Variants in ADAMTSL3 observed in about 807,000 individuals in gnomAD.
ADAMTSL3 encodes the protein ADAMTS-like protein 3.
Under a neutral mutation model 201.7 loss-of-function variants are expected in ADAMTSL3, and 128 were observed. That is an observed-to-expected ratio of 0.63 (90% CI 0.55 to 0.73). ADAMTSL3 has a LOEUF of 0.73. Ranked by LOEUF, ADAMTSL3 falls within the 30% of genes least tolerant of loss-of-function variation. The pLI is 0.00. For synonymous variants in ADAMTSL3, 738 were observed against 748.4 expected (o/e 0.99, Z 0.23); for missense variants, 1,990 against 2,119.6 (o/e 0.94, Z 1.20).
At chr15:83,903,332 C>G (rs905666885) in intron 15 of ADAMTSL3, among the ~76,000 whole-genome samples, 1 of 150,552 alleles carries the variant, frequency 6.6e-6, no homozygotes, top group African/African-American at 2.5e-5. Flanking sequence ...TGGCATTAAG[C>G]ACACTCACAT....
intron 3 of ADAMTSL3, among the ~76,000 whole-genome samples, chr15:83,763,687 A>G (rs1395841253): frequency 2.0e-5 from 3 of 151,988 alleles, no homozygotes; most frequent in Non-Finnish European, 4.4e-5. Flanking sequence ...TTGTATATTT[A>G]GTAGAGACGA....
chr15:83,900,144 G>T (rs1159463645), intron 15 of ADAMTSL3, among the ~76,000 whole-genome samples: 5 of 152,194 alleles, frequency 3.3e-5, no homozygotes, highest in Non-Finnish European at 7.3e-5. Flanking sequence ...AGTGATCATA[G>T]GGAAATGGAA....
chr15:84,024,794 C>G (rs1386285310), intron 26 of ADAMTSL3, among the ~76,000 whole-genome samples: 1 of 152,220 alleles, frequency 6.6e-6, no homozygotes, highest in Non-Finnish European at 1.5e-5. Flanking sequence ...ACATCCGTTT[C>G]TTTTCTACAA....
intron 27 of ADAMTSL3, among the ~76,000 whole-genome samples, chr15:84,026,251 A>T (rs1024853417): frequency 6.6e-6 from 1 of 152,210 alleles, no homozygotes; most frequent in African/African-American, 2.4e-5. Flanking sequence ...GCAGTTAATC[A>T]TAGGAGAAAA....
At chr15:83,951,193 C>G (rs2066751402) in intron 19 of ADAMTSL3, among the ~76,000 whole-genome samples, 1 of 134,878 alleles carries the variant, frequency 7.4e-6, no homozygotes, top group Non-Finnish European at 1.5e-5. Context: ...TATGTTTCTT[C>G]TATACTCCTT....
chr15:83,773,384 A>G (rs555645418), intron 3 of ADAMTSL3, 139 bp from the exon 4 acceptor site: 35 of 948,018 alleles, frequency 3.7e-5, no homozygotes, highest in Non-Finnish European at 5.1e-5. Context: ...CTCCTGGGCA[A>G]TAAGATCGAA....
At chr15:84,011,504 A>C (rs1237917140) in intron 23 of ADAMTSL3, among the ~76,000 whole-genome samples, 1 of 152,196 alleles carries the variant, frequency 6.6e-6, no homozygotes, top group Non-Finnish European at 1.5e-5. Context: ...ATGTTGAAGG[A>C]GGTCCAAGAT....
At chr15:83,867,715 A>C (rs1181613181) in intron 8 of ADAMTSL3, among the ~76,000 whole-genome samples, 1 of 152,196 alleles carries the variant, frequency 6.6e-6, no homozygotes, top group Non-Finnish European at 1.5e-5. Context: ...CATGCTAAAC[A>C]CTCATTCCAC....
chr15:84,025,398 T>C lies in ADAMTSL3; in HGVS notation c.4618T>C (p.Phe1540Leu). The change falls in exon 27 of 30, where the codon TTT becomes CTT. Residue 1540 changes from phenylalanine (F) to leucine (L), a missense_variant. Coordinates refer to ENST00000286744, the MANE Select transcript of ADAMTSL3 (RefSeq NM_207517.3). Reference protein sequence around the residue: ...KDRPLGRKPCFGHPCVQWEPG... With the variant: ...KDRPLGRKPCLGHPCVQWEPG... ...CCGGCCTCTGGGAAGAAAACCATGT[T>C]TTGGTCATCCATGTGTTCAGTGGGA... The C allele has an allele frequency of 6.2e-7, 1 of 1,614,062 alleles. No individual in the cohort carries two copies. The highest frequency in any genetic ancestry group is 8.5e-7 in the Non-Finnish European group (1 of 1,179,986).
At chr15:83,913,874 C>T (rs1366035879) in intron 16 of ADAMTSL3, among the ~76,000 whole-genome samples, 1 of 152,142 alleles carries the variant, frequency 6.6e-6, no homozygotes, top group African/African-American at 2.4e-5. Context: ...AGCCAGGAAA[C>T]CCTGTTAGGA....
chr15:83,710,767 G>A lies in ADAMTSL3; in HGVS notation c.189+6259G>A, dbSNP rs150624676. ...TCCCAAAGGAGGCAGAGGGCTGGAT[G>A]TGCAGCCTTGGTAGCATCTGGAATT... On this transcript the variant is annotated intron_variant, in intron 3 of 29. Transcript: ENST00000286744. 7.5e-3 allele frequency among the ~76,000 whole-genome samples: 1,148 copies of A among 152,264 alleles called. 5 individuals carry two copies. Among genetic ancestry groups the A allele is most frequent in the African/African-American group, 0.025 (1,053 of 41,534 alleles).
chr15:83,801,477 A>C (rs1271686172), intron 4 of ADAMTSL3, among the ~76,000 whole-genome samples: 1 of 151,310 alleles, frequency 6.6e-6, no homozygotes, highest in East Asian at 1.9e-4. Flanking sequence ...TTTGAGAAAA[A>C]CTGCAAAGGA....
chr15:83,671,356 G>A (rs2061326884), intron 2 of ADAMTSL3, among the ~76,000 whole-genome samples: 1 of 151,970 alleles, frequency 6.6e-6, no homozygotes. Context: ...TGGTGTGTTC[G>A]GGATTTCTCC....
intron 20 of ADAMTSL3, among the ~76,000 whole-genome samples, chr15:83,976,305 G>A (rs1453583982): frequency 6.6e-6 from 1 of 152,100 alleles, no homozygotes; most frequent in Non-Finnish European, 1.5e-5. Context: ...TTGTGTTTCA[G>A]GGAGAGGCAG....
chr15:83,984,828 T>C (rs1302918576), intron 21 of ADAMTSL3, among the ~76,000 whole-genome samples: 1 of 152,218 alleles, frequency 6.6e-6, no homozygotes, highest in African/African-American at 2.4e-5. Flanking sequence ...TTTTTCCACA[T>C]CTGTTGTGAA....
chr15:83,842,113 G>T (rs1163544453), intron 7 of ADAMTSL3, among the ~76,000 whole-genome samples: 33 of 150,264 alleles, frequency 2.2e-4, no homozygotes, highest in Non-Finnish European at 5.9e-5. Flanking sequence ...ATAAAACCTT[G>T]CACTCATTCT....
At position 83,704,385 on chromosome 15, in the gene ADAMTSL3, T is replaced by C; in HGVS notation, c.70-4T>C. 1.2e-6 allele frequency: 2 copies of C among 1,614,156 alleles called. No homozygotes were observed. Among genetic ancestry groups the C allele is most frequent in the Non-Finnish European group, 8.5e-7 (1 of 1,179,982 alleles). ...ATTTGTGACCAAATGATCTTGTTTT[T>C]CAGACCACAGCTGAGAAATCTCCTG... On this transcript the variant is annotated splice_polypyrimidine_tract_variant and splice_region_variant and intron_variant, in intron 2 of 29. Transcript: ENST00000286744.
chr15:83,893,483 T>C (rs2065551191), intron 13 of ADAMTSL3, among the ~76,000 whole-genome samples: 1 of 152,118 alleles, frequency 6.6e-6, no homozygotes, highest in East Asian at 1.9e-4. Flanking sequence ...TTACTAAGAA[T>C]TGGGAGATTA....
intron 19 of ADAMTSL3, among the ~76,000 whole-genome samples, chr15:83,959,909 G>A (rs889938470): frequency 6.6e-6 from 1 of 152,176 alleles, no homozygotes; most frequent in African/African-American, 2.4e-5. Context: ...CTTCCATTCA[G>A]GATGGGGAGA....
Sources: allele counts gnomAD v4.1 joint callset (sites outside exome capture counted in the v4.1 genomes callset), GRCh38; gene constraint gnomAD v4.1.1; transcripts MANE v1.5; gene names NCBI Gene and HGNC (gene_info 2026-07-23, HGNC 2026-07-21).